Variants in NOL4 observed in about 807,000 individuals in gnomAD.
NOL4 encodes the protein nucleolar protein 4.
NOL4 carries 17 observed loss-of-function variants against 75.9 expected under a neutral mutation model. The ratio of observed to expected loss-of-function variants is 0.22; its 90% confidence interval spans 0.15 to 0.34. NOL4 has a LOEUF of 0.34. NOL4 is among the 10% of genes least tolerant of loss of function. The probability of loss-of-function intolerance (pLI) is 1.00; values close to 1 mark genes in which losing one functional copy is unlikely to be tolerated. For synonymous variants in NOL4, 292 were observed against 289.9 expected (o/e 1.01, Z -0.07); for missense variants, 614 against 793.5 (o/e 0.77, Z 2.72).
At chr18:33,912,582 C>T (rs781296648) in intron 9 of NOL4, among the ~76,000 whole-genome samples, 1 of 151,952 alleles carries the variant, frequency 6.6e-6, no homozygotes, top group Non-Finnish European at 1.5e-5. Flanking sequence ...ACCATAATGG[C>T]AACATAAGCC....
intron 5 of NOL4, among the ~76,000 whole-genome samples, chr18:34,080,531 G>C (rs556749348): frequency 7.2e-5 from 11 of 152,098 alleles, no homozygotes; most frequent in African/African-American, 2.7e-4. Flanking sequence ...CATAAAAAGC[G>C]GCATGCACCA....
At chr18:34,191,681 C>G (rs985257468) in intron 1 of NOL4, among the ~76,000 whole-genome samples, 1 of 152,068 alleles carries the variant, frequency 6.6e-6, no homozygotes, top group Non-Finnish European at 1.5e-5. Flanking sequence ...GAAAGCCTTA[C>G]AAAAGACTTT....
intron 1 of NOL4, among the ~76,000 whole-genome samples, chr18:34,210,783 C>T (rs887275687): frequency 1.3e-5 from 2 of 152,058 alleles, no homozygotes; most frequent in African/African-American, 4.8e-5. Context: ...TAGAGAGTGA[C>T]CTTTTTTATT....
At chr18:33,967,809 C>G (rs2070724774) in intron 6 of NOL4, among the ~76,000 whole-genome samples, 1 of 152,158 alleles carries the variant, frequency 6.6e-6, no homozygotes, top group African/African-American at 2.4e-5. Context: ...AAAAAATAAT[C>G]TGGGCACGGT....
chr18:33,890,823 G>C (rs1476838992), intron 9 of NOL4, among the ~76,000 whole-genome samples: 3 of 151,964 alleles, frequency 2.0e-5, no homozygotes, highest in African/African-American at 7.2e-5. Context: ...CATTATTATA[G>C]TGCTACTGCA....
intron 1 of NOL4, among the ~76,000 whole-genome samples, chr18:34,145,398 G>C (rs762665858): frequency 6.6e-6 from 1 of 151,530 alleles, no homozygotes; most frequent in Admixed American, 6.6e-5. Context: ...ACAAATAAAA[G>C]CAGTATGATT....
At chr18:33,876,634 T>C (rs1004101959) in intron 10 of NOL4, among the ~76,000 whole-genome samples, 1 of 152,110 alleles carries the variant, frequency 6.6e-6, no homozygotes, top group African/African-American at 2.4e-5. Flanking sequence ...AATGACTATT[T>C]TGATGTCTTA....
At chr18:33,903,082 T>TACAAAAACAGGCACATAGACCA (rs2065836402) in intron 9 of NOL4, among the ~76,000 whole-genome samples, 1 of 152,098 alleles carries the variant, frequency 6.6e-6, no homozygotes, top group Admixed American at 6.6e-5. Flanking sequence ...CACTTAAAGG[T>TACAAAAACAGGCACATAGACCA]TTCAGAATCT....
chr18:33,986,461 G>T (rs187736421), intron 6 of NOL4, among the ~76,000 whole-genome samples: 1 of 152,218 alleles, frequency 6.6e-6, no homozygotes, highest in Non-Finnish European at 1.5e-5. Flanking sequence ...ACAAAGGGAG[G>T]ATTCACAACT....
chr18:34,223,049 C>G lies in NOL4; in HGVS notation c.205G>C (p.Glu69Gln), dbSNP rs370747576. Reference protein sequence around the residue: ...SKGFQLGQPDEVRGGGGGAKQ... With the variant: ...SKGFQLGQPDQVRGGGGGAKQ... ...GCGCCGCCGCCTCCCCCGCGGACCT[C>G]GTCCGGCTGGCCCAGCTGGAAGCCC... is the stretch of plus-strand genomic sequence containing the variant. The change falls in exon 1 of 11, where the codon GAG becomes CAG. Residue 69 changes from glutamate to glutamine, a missense_variant. By Grantham distance (29) the Glu-to-Gln change is conservative (BLOSUM62 2). This residue lies in a region of NOL4 where 49 missense variants were observed against 39.6 expected (regional missense o/e 1.24). Coordinates refer to ENST00000261592, the MANE Select transcript of NOL4 (RefSeq NM_003787.5). 1.9e-5 allele frequency: 30 copies of G among 1,613,676 alleles called. No homozygotes were observed. Among genetic ancestry groups the G allele is most frequent in the Non-Finnish European group, 2.5e-5 (29 of 1,180,052 alleles).
chr18:34,162,895 A>G (rs1459168353), intron 1 of NOL4, among the ~76,000 whole-genome samples: 2 of 152,202 alleles, frequency 1.3e-5, no homozygotes. Flanking sequence ...ATCCACCATG[A>G]TCAAGTGGGC....
At chr18:33,904,109 T>A (rs1292300333) in intron 9 of NOL4, among the ~76,000 whole-genome samples, 1 of 152,018 alleles carries the variant, frequency 6.6e-6, no homozygotes, top group East Asian at 1.9e-4. Flanking sequence ...CTTGAAAAAG[T>A]TATAATGGTT....
chr18:34,222,091 T>C, intron 1 of NOL4: 1 of 1,534,914 alleles, frequency 6.5e-7, no homozygotes, highest in African/African-American at 1.4e-5. Context: ...TCCCATCTTC[T>C]TGTGAAGAAA....
intron 6 of NOL4, among the ~76,000 whole-genome samples, chr18:34,003,908 T>G (rs2073884654): frequency 6.6e-6 from 1 of 151,988 alleles, no homozygotes; most frequent in Non-Finnish European, 1.5e-5. Context: ...CTCCTCCCTT[T>G]GGAATTCAGG....
At chr18:34,042,886 G>A (rs1441327223) in intron 5 of NOL4, among the ~76,000 whole-genome samples, 1 of 152,064 alleles carries the variant, frequency 6.6e-6, no homozygotes, top group Non-Finnish European at 1.5e-5. Context: ...TCACATTGAG[G>A]TTAAGACCAT....
At chr18:34,025,917 C>T (rs970342552) in intron 5 of NOL4, among the ~76,000 whole-genome samples, 3 of 152,112 alleles carry the variant, frequency 2.0e-5, no homozygotes, top group African/African-American at 7.2e-5. Flanking sequence ...TCTCCTACCC[C>T]TGCCCTTCAA....
intron 9 of NOL4, among the ~76,000 whole-genome samples, chr18:33,894,676 T>G (rs1489464864): frequency 6.6e-6 from 1 of 152,144 alleles, no homozygotes; most frequent in Admixed American, 6.6e-5. Context: ...TTTTAACAAA[T>G]TCTCTTTGTA....
intron 6 of NOL4, among the ~76,000 whole-genome samples, chr18:33,972,656 A>C (rs2071166736): frequency 6.6e-6 from 1 of 152,212 alleles, no homozygotes; most frequent in Non-Finnish European, 1.5e-5. Flanking sequence ...TGGGTTTTCA[A>C]CCACTGCAAT....
intron 1 of NOL4, among the ~76,000 whole-genome samples, chr18:34,141,419 C>T (rs1334895176): frequency 1.5e-4 from 23 of 152,288 alleles, no homozygotes; most frequent in Admixed American, 1.0e-3. Flanking sequence ...CATCACACTA[C>T]CTGACTTCAA....
Sources: allele counts gnomAD v4.1 joint callset (sites outside exome capture counted in the v4.1 genomes callset), GRCh38; gene constraint gnomAD v4.1.1; regional missense constraint gnomAD v4.1.1; transcripts MANE v1.5; gene names NCBI Gene and HGNC (gene_info 2026-07-23, HGNC 2026-07-21).